Variants in TWIST2 observed in about 807,000 individuals in gnomAD.
The protein encoded by TWIST2 is twist-related protein 2.
A neutral mutation model predicts 11.6 loss-of-function variants in TWIST2; 1 was observed. The ratio of observed to expected loss-of-function variants is 0.09; its 90% confidence interval spans 0.03 to 0.41. TWIST2 has a LOEUF of 0.41. TWIST2 is among the 10% of genes least tolerant of loss of function. The probability of loss-of-function intolerance (pLI) is 0.98; values close to 1 mark genes in which losing one functional copy is unlikely to be tolerated. For missense variants in TWIST2, 168 were observed against 226.4 expected (o/e 0.74, Z 1.66); for synonymous variants, 87 against 96.6 (o/e 0.90, Z 0.58).
chr2:238,851,925 G>C (rs909624044), intron 1 of TWIST2, among the ~76,000 whole-genome samples: 1 of 147,710 alleles, frequency 6.8e-6, no homozygotes, highest in Non-Finnish European at 1.5e-5. Flanking sequence ...TTGCATCAGG[G>C]AAGTCTTGCT....
chr2:238,894,554 C>A (rs986016818), intron 1 of TWIST2, among the ~76,000 whole-genome samples: 3 of 152,254 alleles, frequency 2.0e-5, no homozygotes, highest in African/African-American at 7.2e-5. Context: ...GCCAGAGCTA[C>A]CTCTGACAGA....
At chr2:238,870,540 A>G (rs1692655723) in intron 1 of TWIST2, among the ~76,000 whole-genome samples, 2 of 90,596 alleles carry the variant, frequency 2.2e-5, no homozygotes, top group Admixed American at 1.3e-4. Context: ...CACCCTACAT[A>G]CCCCACACAC....
intron 1 of TWIST2, among the ~76,000 whole-genome samples, chr2:238,865,183 A>G (rs2106354674): frequency 6.6e-6 from 1 of 152,286 alleles, no homozygotes; most frequent in African/African-American, 2.4e-5. Flanking sequence ...GGACCTACGT[A>G]ACTCCTCAGC....
In TWIST2 at chr2:238,864,280, G is replaced by C. The variant is rs187284795; in HGVS notation, c.*35+15547G>C. Among the ~76,000 whole-genome samples the C allele has an allele frequency of 6.6e-6, 1 of 152,176 alleles. No individual in the cohort carries two copies. Among genetic ancestry groups the C allele is most frequent in the South Asian group, 2.1e-4 (1 of 4,826 alleles). ...AAGCACGCGACTGTGAGCGGCGATC[G>C]GGGCCTGATCCTCAGTTCGAAGACA... On this transcript the variant is annotated intron_variant, in intron 1 of 1. Transcript: ENST00000612363. This position sits in a 1 kb window ranked among gnomAD's most constrained non-coding sequence, Gnocchi z 4.7.
At chr2:238,849,686 G>T (rs917449059) in intron 1 of TWIST2, among the ~76,000 whole-genome samples, 10 of 152,232 alleles carry the variant, frequency 6.6e-5, no homozygotes, top group African/African-American at 2.4e-4. Flanking sequence ...ACAGCTGCCA[G>T]GAGCACTCCA....
At chr2:238,902,544 G>A (rs1031364427) in intron 1 of TWIST2, among the ~76,000 whole-genome samples, 4 of 148,234 alleles carry the variant, frequency 2.7e-5, no homozygotes, top group African/African-American at 1.0e-4. Context: ...TGTGGTGTGT[G>A]CATGTGTGTG....
intron 1 of TWIST2, among the ~76,000 whole-genome samples, chr2:238,858,482 G>C (rs1231489898): frequency 6.6e-6 from 1 of 152,200 alleles, no homozygotes; most frequent in African/African-American, 2.4e-5. Context: ...AGCTCCCCAA[G>C]TGACTCTCTT....
chr2:238,899,030 C>T (rs1014096466), intron 1 of TWIST2, among the ~76,000 whole-genome samples: 1 of 152,264 alleles, frequency 6.6e-6, no homozygotes, highest in Non-Finnish European at 1.5e-5. Flanking sequence ...CTGTGCCCTG[C>T]TGCCCTCCGG....
In TWIST2 at chr2:238,863,414, C is replaced by T. The variant is rs1692468241; in HGVS notation, c.*35+14681C>T. Reference sequence around the variant, plus strand: ...TGTTAGGATAATTCAGAAGGATGCACCCGGAATGTACCAGCGCGGCTCCCT... The same window carrying T: ...TGTTAGGATAATTCAGAAGGATGCATCCGGAATGTACCAGCGCGGCTCCCT... On this transcript the variant is annotated intron_variant, in intron 1 of 1. Coordinates refer to ENST00000612363, the MANE Select transcript of TWIST2 (RefSeq NM_001271893.4). This position sits in a 1 kb window ranked among gnomAD's most constrained non-coding sequence, Gnocchi z 4.7. 6.6e-6 allele frequency among the ~76,000 whole-genome samples: 1 copy of T among 152,148 alleles called. No homozygotes were observed.
In TWIST2 at chr2:238,866,907, G is replaced by A. The variant is rs540933357; in HGVS notation, c.*35+18174G>A. On this transcript the variant is annotated intron_variant, in intron 1 of 1. Coordinates refer to ENST00000612363, the MANE Select transcript of TWIST2 (RefSeq NM_001271893.4). The surrounding 1 kb of genome is among the most constrained non-coding windows in gnomAD (Gnocchi z 4.9). ...AGGACTGTGTCCTTGTCATGTATCC[G>A]GATGCCCGGCTCAGCCCATGCCCTG... is the stretch of plus-strand genomic sequence containing the variant. Among the ~76,000 whole-genome samples the A allele has an allele frequency of 2.6e-5, 4 of 152,290 alleles. No individual in the cohort carries two copies. The highest frequency in any genetic ancestry group is 1.9e-4 in the East Asian group (1 of 5,182).
chr2:238,850,858 T>C (rs1692230038), intron 1 of TWIST2, among the ~76,000 whole-genome samples: 1 of 152,192 alleles, frequency 6.6e-6, no homozygotes, highest in Non-Finnish European at 1.5e-5. Flanking sequence ...ATTAAATAGA[T>C]ACTCTAAAAG....
At chr2:238,907,007 G>C in intron 1 of TWIST2, among the ~76,000 whole-genome samples, 1 of 152,296 alleles carries the variant, frequency 6.6e-6, no homozygotes, top group Non-Finnish European at 1.5e-5. Flanking sequence ...GCACTTACAC[G>C]GCCAGGCCCT....
rs996311889 is a variant in TWIST2 at position 238,893,159 on chromosome 2, C to T, written c.*36-16683C>T. ...AATTATAGGAGGATTCTTCCCATTG[C>T]TTAGGTTTTTGCATTCTTCTGAATA... On this transcript the variant is annotated intron_variant, in intron 1 of 1. Coordinates refer to ENST00000612363, the MANE Select transcript of TWIST2 (RefSeq NM_001271893.4). Among the ~76,000 whole-genome samples, 5 of 152,190 alleles carry T rather than the reference C, an allele frequency of 3.3e-5. No homozygotes were observed. The South Asian group carries it at 6.2e-4, about 19-fold the overall frequency.
At chr2:238,879,786 A>C (rs36192662) in intron 1 of TWIST2, among the ~76,000 whole-genome samples, 1 of 152,118 alleles carries the variant, frequency 6.6e-6, no homozygotes, top group Non-Finnish European at 1.5e-5. Flanking sequence ...GCAGAAGGGC[A>C]TGATTGGCTG....
chr2:238,882,262 A>G (rs1276708791), intron 1 of TWIST2, among the ~76,000 whole-genome samples: 1 of 152,122 alleles, frequency 6.6e-6, no homozygotes, highest in East Asian at 1.9e-4. Flanking sequence ...CTGTCTGCAC[A>G]GTGCACTGTC....
intron 1 of TWIST2, among the ~76,000 whole-genome samples, chr2:238,882,054 GTCTC>G (rs143351834): frequency 2.6e-5 from 4 of 151,518 alleles, no homozygotes; most frequent in South Asian, 2.1e-4. Flanking sequence ...CTCTGTTTCT[GTCTC>G]TCTCTCTCTG....
rs1393011818 is a variant in TWIST2, at chr2:238,861,212, C to T, written c.*35+12479C>T. ...TGGTCTCATGGCCCCCATCAGTCAC[C>T]GCCGCAGGGGTTCTTCCCACAGCTG... On this transcript the variant is annotated intron_variant, in intron 1 of 1. Transcript: ENST00000612363. 7.2e-5 allele frequency among the ~76,000 whole-genome samples: 11 copies of T among 152,312 alleles called. No homozygotes were observed. The South Asian group carries it at 1.7e-3, about 23-fold the overall frequency.
At chr2:238,894,180 G>A (rs1376904690) in intron 1 of TWIST2, among the ~76,000 whole-genome samples, 2 of 152,208 alleles carry the variant, frequency 1.3e-5, no homozygotes, top group Admixed American at 1.3e-4. Flanking sequence ...TCAGTCTGGA[G>A]AATCTGCCTC....
chr2:238,869,491 T>C (rs1473128815), intron 1 of TWIST2, among the ~76,000 whole-genome samples: 1 of 152,184 alleles, frequency 6.6e-6, no homozygotes, highest in Non-Finnish European at 1.5e-5. Context: ...GCAGGACTCC[T>C]ATGATTCAAC....
Sources: gnomAD v4.1 joint callset for allele counts (sites outside exome capture counted in the v4.1 genomes callset) on GRCh38, gnomAD v4.1.1 for gene constraint, Gnocchi (gnomAD v3.1) non-coding constraint, MANE v1.5 for transcripts, NCBI Gene and HGNC (gene_info 2026-07-23, HGNC 2026-07-21) for gene names.